The following TTYH2 variants were observed in gnomAD, a reference collection of about 807,000 sequenced individuals.
The protein encoded by TTYH2 is tweety family member 2, also known as protein tweety homolog 2.
A neutral mutation model predicts 68.3 loss-of-function variants in TTYH2; 49 were observed. That is an observed-to-expected ratio of 0.72 (90% CI 0.57 to 0.91). The LOEUF (loss-of-function observed/expected upper bound fraction) is 0.91. Among genes scored for constraint, TTYH2 ranks in the 40% least tolerant of loss-of-function variants. TTYH2 has a pLI of 0.00. For missense variants in TTYH2, 631 were observed against 700.4 expected (o/e 0.90, Z 1.12); for synonymous variants, 272 against 300.8 (o/e 0.90, Z 0.99).
At position 74,213,638 on chromosome 17, in the gene TTYH2, G is replaced by A; in HGVS notation, c.51G>A (p.Leu17=). 1.9e-6 allele frequency: 3 copies of A among 1,611,944 alleles called. No homozygotes were observed. Among genetic ancestry groups the A allele is most frequent in the Non-Finnish European group, 2.5e-6 (3 of 1,179,374 alleles). Residue 17 remains leucine (L), a synonymous_variant, in exon 1 of 14, where the codon CTG becomes CTA. Transcript: ENST00000269346. This position sits in a 1 kb window ranked among gnomAD's most constrained non-coding sequence, Gnocchi z 6.1. ...DYIAPWWVVW[L]HSVPHVGLRL... is the part of the protein sequence containing the mutation. ...TCGCTCCCTGGTGGGTCGTGTGGCTGCACAGCGTCCCGCACGTCGGCCTGC... is the reference window on the plus strand; with the variant it reads ...TCGCTCCCTGGTGGGTCGTGTGGCTACACAGCGTCCCGCACGTCGGCCTGC...
Position 74,222,785 on chromosome 17 carries a change from T to TC in TTYH2, c.302+131dup. The TC allele has an allele frequency of 8.8e-7, 1 of 1,140,028 alleles. No individual in the cohort carries two copies. The highest frequency in any genetic ancestry group is 1.2e-6 in the Non-Finnish European group (1 of 849,702). The allele number at this position is 1,140,028 out of a possible 1,614,324, so 70.6% of individuals were successfully genotyped here. On this transcript the variant is annotated intron_variant, in intron 2 of 13. Coordinates refer to ENST00000269346, the MANE Select transcript of TTYH2 (RefSeq NM_032646.6). This position sits in a 1 kb window ranked among gnomAD's most constrained non-coding sequence, Gnocchi z 5.2. ...AAAGCTTGTCCCCAGATGAATGTTG[T>TC]CCCTTTTTTTTTTTTTACCAAGCAT...
At chr17:74,226,153 G>A (rs969083962) in intron 2 of TTYH2, among the ~76,000 whole-genome samples, 8 of 152,236 alleles carry the variant, frequency 5.3e-5, no homozygotes, top group African/African-American at 1.9e-4. Context: ...TGAGTTTAAG[G>A]TGCCTTTGAA....
At chr17:74,242,153 G>T (rs959817714) in intron 4 of TTYH2, among the ~76,000 whole-genome samples, 1 of 152,146 alleles carries the variant, frequency 6.6e-6, no homozygotes, top group East Asian at 1.9e-4. Flanking sequence ...GCTTACCAAG[G>T]TCTCCCAGCT....
chr17:74,245,196 G>C (rs1306830110), intron 6 of TTYH2, among the ~76,000 whole-genome samples: 1 of 152,216 alleles, frequency 6.6e-6, no homozygotes, highest in Non-Finnish European at 1.5e-5. Context: ...AGGGAGAAGA[G>C]GGGGCATTTT....
intron 2 of TTYH2, among the ~76,000 whole-genome samples, chr17:74,225,696 C>T (rs1421964951): frequency 2.0e-5 from 3 of 152,184 alleles, no homozygotes; most frequent in African/African-American, 4.8e-5. Context: ...TGCCTATCAG[C>T]GGCTGCAGAA....
chr17:74,253,363 G>A, intron 12 of TTYH2, 97 bp downstream of exon 12: 2 of 1,423,844 alleles, frequency 1.4e-6, no homozygotes, highest in Non-Finnish European at 1.9e-6. Context: ...GGCATCCAAG[G>A]CCACCCGTGG....
Position 74,260,598 on chromosome 17 carries a change from A to C in TTYH2, c.*389A>C. The C allele has an allele frequency of 1.2e-5, 3 of 240,910 alleles. No homozygotes were observed. Among genetic ancestry groups the C allele is most frequent in the South Asian group, 6.2e-5 (1 of 16,098 alleles). 14.9% of individuals were successfully genotyped at this position (240,910 alleles called of 1,614,324 possible). A position where few individuals can be genotyped will look rare whatever the true frequency, so the allele number is the denominator to read the frequency against. ...TGTTCTCTCTGGTCCCACAACGATG[A>C]CTCTGCCTCTTGTCAGCCCAGCCAA... On this transcript the variant is annotated 3_prime_UTR_variant, in exon 14 of 14. Coordinates refer to ENST00000269346, the MANE Select transcript of TTYH2 (RefSeq NM_032646.6).
intron 4 of TTYH2, among the ~76,000 whole-genome samples, 197 bp from the exon 5 acceptor site, chr17:74,243,177 C>T (rs1276684175): frequency 3.3e-5 from 5 of 152,120 alleles, no homozygotes; most frequent in Admixed American, 6.5e-5. Flanking sequence ...TGTGAATTGA[C>T]AGCTTTGTCC....
chr17:74,240,374 G>A (rs756089170), intron 4 of TTYH2, among the ~76,000 whole-genome samples: 6 of 152,100 alleles, frequency 3.9e-5, no homozygotes, highest in Non-Finnish European at 8.8e-5. Context: ...AGGAAGCGGA[G>A]GCTGCAGTGA....
At chr17:74,224,403 C>CACACAG (rs376346380) in intron 2 of TTYH2, among the ~76,000 whole-genome samples, 1 of 151,936 alleles carries the variant, frequency 6.6e-6, no homozygotes, top group Non-Finnish European at 1.5e-5. Flanking sequence ...CACACACACA[C>CACACAG]AGATACACAC....
intron 2 of TTYH2, among the ~76,000 whole-genome samples, chr17:74,223,930 C>T (rs9907563): frequency 0.054 from 8,266 of 152,300 alleles, 726 homozygotes; most frequent in African/African-American, 0.19. Context: ...GCAGGCGAGA[C>T]GCTAAAGCAG....
intron 10 of TTYH2, 199 bp downstream of exon 10, chr17:74,250,556 G>A: frequency 1.8e-6 from 1 of 570,284 alleles, no homozygotes; most frequent in Non-Finnish European, 3.1e-6. Flanking sequence ...CTCAGTACAA[G>A]GGACCAGGGG....
Position 74,215,607 on chromosome 17 carries a change from C to G in TTYH2, c.129+1891C>G. ...AGCCCTGCCCACTGGCTCCTGGTCCCGCTCACCCCCTCACCACCACTCAGA... is the reference window on the plus strand; with the variant it reads ...AGCCCTGCCCACTGGCTCCTGGTCCGGCTCACCCCCTCACCACCACTCAGA... On this transcript the variant is annotated intron_variant, in intron 1 of 13. Transcript: ENST00000269346. This position sits in a 1 kb window ranked among gnomAD's most constrained non-coding sequence, Gnocchi z 4.3. 1 of 1,534,858 alleles carries G rather than the reference C, an allele frequency of 6.5e-7. No individual in the cohort carries two copies.
chr17:74,252,987 C>A, intron 11 of TTYH2, 94 bp from the exon 12 acceptor site: 1 of 1,372,786 alleles, frequency 7.3e-7, no homozygotes, highest in Non-Finnish European at 1.0e-6. Flanking sequence ...GCCAGAGAGT[C>A]CTGGGAGGAA....
chr17:74,248,219 C>A, intron 6 of TTYH2: 1 of 968,656 alleles, frequency 1.0e-6, no homozygotes. Context: ...CCTGGCTGCT[C>A]TGGAAGGCGG....
intron 11 of TTYH2, 147 bp downstream of exon 11, chr17:74,252,523 T>C (rs1324257382): frequency 2.8e-6 from 3 of 1,057,802 alleles, no homozygotes; most frequent in South Asian, 3.3e-5. Context: ...ACAGGCTGGC[T>C]GACTTCTACA....
chr17:74,248,313 G>A (rs904161362), intron 6 of TTYH2: 19 of 985,684 alleles, frequency 1.9e-5, no homozygotes, highest in Non-Finnish European at 1.9e-5. Context: ...CCTTGCTGCC[G>A]CCTCTCCTGG....
intron 6 of TTYH2, chr17:74,248,704 G>C: frequency 1.6e-6 from 2 of 1,279,368 alleles, no homozygotes; most frequent in Non-Finnish European, 2.0e-6. Context: ...TCGGGAATAA[G>C]AGTAACAGCA....
chr17:74,251,516 T>C (rs1490222087), intron 10 of TTYH2, among the ~76,000 whole-genome samples: 1 of 152,004 alleles, frequency 6.6e-6, no homozygotes, highest in Non-Finnish European at 1.5e-5. Flanking sequence ...CTGTCTCCTC[T>C]CTTCTTCCCC....
Sources: allele counts gnomAD v4.1 joint callset (sites outside exome capture counted in the v4.1 genomes callset), GRCh38; gene constraint gnomAD v4.1.1; non-coding constraint Gnocchi (gnomAD v3.1); transcripts MANE v1.5; gene names NCBI Gene and HGNC (gene_info 2026-07-23, HGNC 2026-07-21).